Variants in CTNNA2 observed in about 807,000 individuals in gnomAD.
CTNNA2 encodes the protein catenin alpha 2.
CTNNA2 carries 42 observed loss-of-function variants against 101.0 expected under a neutral mutation model. The ratio of observed to expected loss-of-function variants is 0.42; its 90% CI spans 0.32 to 0.54. The LOEUF (loss-of-function observed/expected upper bound fraction) is 0.54, where lower values mean the gene tolerates loss of function less well. Among genes scored for constraint, CTNNA2 ranks in the 20% least tolerant of loss-of-function variants. The pLI is 0.14. For synonymous variants in CTNNA2, 450 were observed against 456.4 expected (o/e 0.99, Z 0.18); for missense variants, 871 against 1,223.1 (o/e 0.71, Z 4.29).
At chr2:79,685,108 C>T (rs1039352870) in intron 2 of CTNNA2, among the ~76,000 whole-genome samples, 5 of 152,064 alleles carry the variant, frequency 3.3e-5, no homozygotes, top group African/African-American at 2.4e-5. Context: ...TTCCTTTACT[C>T]TGTAATTAAA....
At chr2:80,327,934 TG>T (rs1188444436) in intron 7 of CTNNA2, among the ~76,000 whole-genome samples, 4 of 151,846 alleles carry the variant, frequency 2.6e-5, no homozygotes, top group Admixed American at 6.5e-5. Flanking sequence ...TATGTATAAA[TG>T]TTTTTTTATT....
chr2:80,325,392 A>G (rs1387821774), intron 7 of CTNNA2, among the ~76,000 whole-genome samples: 1 of 152,250 alleles, frequency 6.6e-6, no homozygotes, highest in African/African-American at 2.4e-5. Flanking sequence ...ACATTCAAGT[A>G]TAGGTGAATC....
chr2:80,195,090 ACT>A (rs974792422), intron 7 of CTNNA2, among the ~76,000 whole-genome samples: 30 of 152,230 alleles, frequency 2.0e-4, no homozygotes, highest in African/African-American at 7.2e-4. Context: ...TTACTTAAAG[ACT>A]CTTAGTAAAT....
At chr2:80,452,192 T>C (rs911656922) in intron 9 of CTNNA2, among the ~76,000 whole-genome samples, 7 of 146,964 alleles carry the variant, frequency 4.8e-5, no homozygotes, top group Non-Finnish European at 5.9e-5. Flanking sequence ...ATGAACCTAG[T>C]ACATAATGCA....
chr2:80,165,713 G>A (rs1333918144), intron 7 of CTNNA2, among the ~76,000 whole-genome samples: 1 of 152,256 alleles, frequency 6.6e-6, no homozygotes, highest in Middle Eastern at 3.4e-3. Flanking sequence ...ACTCTTCACA[G>A]GCCTCTTCTG....
At chr2:79,501,672 C>G (rs1671321071) in intron 4 of CTNNA2, among the ~76,000 whole-genome samples, 1 of 152,100 alleles carries the variant, frequency 6.6e-6, no homozygotes, top group Non-Finnish European at 1.5e-5. Context: ...AAAATATTTG[C>G]TCATTTATTG....
chr2:80,260,856 T>G (rs1367683688), intron 7 of CTNNA2, among the ~76,000 whole-genome samples: 1 of 152,208 alleles, frequency 6.6e-6, no homozygotes, highest in Non-Finnish European at 1.5e-5. Flanking sequence ...ATGTATTCTT[T>G]GAGTTGTACA....
chr2:79,728,974 C>T (rs1450737762), intron 2 of CTNNA2, among the ~76,000 whole-genome samples: 2 of 152,156 alleles, frequency 1.3e-5, no homozygotes, highest in African/African-American at 2.4e-5. Flanking sequence ...GTTTTGGTTA[C>T]TGTAGCCTTG....
At chr2:80,626,103 A>G (rs1272291044) in intron 18 of CTNNA2, among the ~76,000 whole-genome samples, 2 of 152,038 alleles carry the variant, frequency 1.3e-5, no homozygotes, top group African/African-American at 4.8e-5. Context: ...ATATAATTAT[A>G]TATAAATATG....
chr2:79,438,377 A>G (rs768931094), intron 4 of CTNNA2, among the ~76,000 whole-genome samples: 8 of 152,220 alleles, frequency 5.3e-5, no homozygotes, highest in Non-Finnish European at 1.2e-4. Flanking sequence ...TAGCCATCCC[A>G]GTTTGCCAGA....
intron 1 of CTNNA2, chr2:79,547,135 A>G (rs373025015): frequency 6.6e-6 from 1 of 152,112 alleles, no homozygotes; most frequent in Non-Finnish European, 1.5e-5. Context: ...ACATTTCTCC[A>G]TAGGTAGTAC....
intron 2 of CTNNA2, among the ~76,000 whole-genome samples, chr2:79,678,578 A>G (rs1170394426): frequency 6.6e-6 from 1 of 151,340 alleles, no homozygotes; most frequent in Non-Finnish European, 1.5e-5. Flanking sequence ...CTATCCCCAT[A>G]GTTTCTTCCT....
chr2:80,380,004 A>G (rs1198881758), intron 7 of CTNNA2, among the ~76,000 whole-genome samples: 2 of 145,434 alleles, frequency 1.4e-5, no homozygotes, highest in Middle Eastern at 3.8e-3. Flanking sequence ...CCATTCATCA[A>G]TGTCTTGCAC....
At chr2:80,283,398 G>A (rs1674532298) in intron 7 of CTNNA2, among the ~76,000 whole-genome samples, 1 of 152,040 alleles carries the variant, frequency 6.6e-6, no homozygotes. Flanking sequence ...TTGTATATAT[G>A]TATTGAAATA....
At chr2:79,258,943 G>T (rs1381964559) in intron 2 of CTNNA2, among the ~76,000 whole-genome samples, 1 of 151,056 alleles carries the variant, frequency 6.6e-6, no homozygotes, top group Admixed American at 6.6e-5. Flanking sequence ...AAAGATAAGT[G>T]AGGCCTATAT....
At chr2:79,372,205 A>C (rs1200408957) in intron 3 of CTNNA2, among the ~76,000 whole-genome samples, 2 of 152,098 alleles carry the variant, frequency 1.3e-5, no homozygotes, top group African/African-American at 4.8e-5. Flanking sequence ...GCAGGGAGCT[A>C]TACTGAGTGC....
intron 1 of CTNNA2, among the ~76,000 whole-genome samples, chr2:79,569,104 A>T (rs1434967268): frequency 2.0e-5 from 3 of 152,098 alleles, no homozygotes; most frequent in African/African-American, 7.2e-5. Flanking sequence ...TCATTCATTG[A>T]TTTATTTTTT....
chr2:79,260,281 T>G (rs1379692945), intron 2 of CTNNA2, among the ~76,000 whole-genome samples: 1 of 152,140 alleles, frequency 6.6e-6, no homozygotes, highest in African/African-American at 2.4e-5. Context: ...AGCTCCCTCC[T>G]TGCACAGAAT....
chr2:79,619,051 C>T (rs756628370), intron 1 of CTNNA2, among the ~76,000 whole-genome samples: 6 of 152,104 alleles, frequency 3.9e-5, no homozygotes, highest in African/African-American at 9.6e-5. Context: ...CCAAAAAATA[C>T]GAAAATTAGC....
Sources: gnomAD v4.1 joint callset for allele counts (sites outside exome capture counted in the v4.1 genomes callset) on GRCh38, gnomAD v4.1.1 for gene constraint, MANE v1.5 for transcripts, NCBI Gene and HGNC (gene_info 2026-07-23, HGNC 2026-07-21) for gene names.